Variants in ATP10A observed in about 807,000 individuals in gnomAD.
ATP10A encodes phospholipid-transporting ATPase VA.
Under a neutral mutation model 147.8 loss-of-function variants are expected in ATP10A, and 111 were observed. The observed-to-expected ratio is 0.75, with a 90% CI of 0.64 to 0.88. The LOEUF (loss-of-function observed/expected upper bound fraction) is 0.88. ATP10A is among the 40% of genes least tolerant of loss of function. The probability of loss-of-function intolerance (pLI) is 0.00; values close to 1 mark genes in which losing one functional copy is unlikely to be tolerated. For synonymous variants in ATP10A, 875 were observed against 841.6 expected (o/e 1.04, Z -0.69); for missense variants, 1,927 against 1,959.0 (o/e 0.98, Z 0.31).
Position 25,712,763 on chromosome 15 carries a change from C to G in ATP10A, c.2344+911G>C, listed in dbSNP as rs550812308. ...CATGGAAGGTCATCCAAACTCCTCT[C>G]AGAGACACATTTGCAGATTTAGCTC... On this transcript the variant is annotated intron_variant, in intron 10 of 20. Transcript: ENST00000555815. Among the ~76,000 whole-genome samples, 18 of 152,272 alleles carry G rather than the reference C, an allele frequency of 1.2e-4. No homozygotes were observed. In the East Asian group the frequency reaches 3.3e-3, roughly 28 times the overall value.
Position 25,700,946 on chromosome 15 carries a change from C to G in ATP10A, c.2760+970G>C, listed in dbSNP as rs139705153. ...AGGTCACTTAAAAAAAAAAAAGGCC[C>G]TGGTGAAGGCACAGGCTCTGAAGCA... On this transcript the variant is annotated intron_variant, in intron 13 of 20. Coordinates refer to ENST00000555815, the MANE Select transcript of ATP10A (RefSeq NM_024490.4). 4.7e-3 allele frequency among the ~76,000 whole-genome samples: 716 copies of G among 150,822 alleles called. 6 individuals carry two copies. Among genetic ancestry groups the G allele is most frequent in the African/African-American group, 0.016 (668 of 41,124 alleles).
chr15:25,759,198 C>T (rs1431631804), intron 2 of ATP10A, among the ~76,000 whole-genome samples: 1 of 152,038 alleles, frequency 6.6e-6, no homozygotes, highest in Admixed American at 6.6e-5. Flanking sequence ...ATTTTATATT[C>T]GAGTGCTATT....
intron 1 of ATP10A, among the ~76,000 whole-genome samples, chr15:25,860,257 C>T (rs571045045): frequency 2.0e-5 from 3 of 152,258 alleles, no homozygotes; most frequent in Non-Finnish European, 4.4e-5. Flanking sequence ...CTCTGCCCCA[C>T]CTTGCTTGGC....
Position 25,686,368 on chromosome 15 carries a change from C to T in ATP10A, c.3291+1335G>A, listed in dbSNP as rs1422511366. 2.0e-5 allele frequency among the ~76,000 whole-genome samples: 2 copies of T among 99,384 alleles called. 1 individual carries two copies. The highest frequency in any genetic ancestry group is 6.0e-4 in the East Asian group (2 of 3,326). 65.2% of individuals were successfully genotyped at this position (99,384 alleles called of 152,430 possible). A position where few individuals can be genotyped will look rare whatever the true frequency, so the allele number is the denominator to read the frequency against. ...GTGCGTGGTGACACGCACCTGTAGT[C>T]CCAGCTGCTTGGGAGGCTGAGGCTG... On this transcript the variant is annotated intron_variant, in intron 16 of 20. Coordinates refer to ENST00000555815, the MANE Select transcript of ATP10A (RefSeq NM_024490.4).
intron 1 of ATP10A, among the ~76,000 whole-genome samples, chr15:25,826,484 C>A (rs1892118094): frequency 6.6e-6 from 1 of 152,128 alleles, no homozygotes; most frequent in African/African-American, 2.4e-5. Flanking sequence ...ATGGCTTGCA[C>A]CCAAGAGGTG....
chr15:25,815,380 A>C (rs555499231), intron 1 of ATP10A, among the ~76,000 whole-genome samples: 2 of 152,278 alleles, frequency 1.3e-5, no homozygotes, highest in Admixed American at 1.3e-4. Flanking sequence ...ATATGTGCAC[A>C]GACTTCTCAC....
At chr15:25,785,331 C>T (rs1472686098) in intron 1 of ATP10A, among the ~76,000 whole-genome samples, 1 of 152,142 alleles carries the variant, frequency 6.6e-6, no homozygotes, top group Admixed American at 6.5e-5. Flanking sequence ...GGCGTGCGCA[C>T]ACAGCTGTAA....
At chr15:25,787,808 T>C (rs932362149) in intron 1 of ATP10A, among the ~76,000 whole-genome samples, 1 of 151,540 alleles carries the variant, frequency 6.6e-6, no homozygotes, top group Non-Finnish European at 1.5e-5. Context: ...CCAAACTGTG[T>C]TTTTTTTGCT....
At position 25,679,450 on chromosome 15, in the gene ATP10A, T is replaced by C; in HGVS notation, c.4391A>G (p.Asp1464Gly). The C allele has an allele frequency of 6.2e-7, 1 of 1,614,062 alleles. No individual in the cohort carries two copies. The highest frequency in any genetic ancestry group is 8.5e-7 in the Non-Finnish European group (1 of 1,179,984). ...AGGAAGTCCACGTCCCGCTTGTCCATCTGCAAGCTGCTCCGTCCGGGAGAA... is the reference window on the plus strand; with the variant it reads ...AGGAAGTCCACGTCCCGCTTGTCCACCTGCAAGCTGCTCCGTCCGGGAGAA... The part of the protein sequence containing the change: ...LQFSRTEQLA[D>G]GQAGRGLPVQ... Residue 1464 changes from aspartate (D) to glycine (G), a missense_variant, in exon 21 of 21, where the codon GAT (aspartate) becomes GGT (glycine). Physicochemically the swap from Asp to Gly is moderately conservative, Grantham distance 94. Transcript: ENST00000555815.
intron 7 of ATP10A, among the ~76,000 whole-genome samples, chr15:25,720,109 T>C (rs1156387741): frequency 6.6e-6 from 1 of 152,242 alleles, no homozygotes; most frequent in African/African-American, 2.4e-5. Flanking sequence ...TTCTGTAATC[T>C]TAGTTGGGAT....
rs77410940 is a variant in ATP10A, at chr15:25,694,911, C to T, written c.2996G>A (p.Arg999His). ...DKFLFLAKQCRSVLCCRSTPL... is the reference protein window; with the variant it reads ...DKFLFLAKQCHSVLCCRSTPL... Reference sequence around the variant, plus strand: ...CGTCGACCGACAGCAGAGGACGGAGCGGCACTGCTTGGCAAGGAAGAGGAA... The same window carrying T: ...CGTCGACCGACAGCAGAGGACGGAGTGGCACTGCTTGGCAAGGAAGAGGAA... The change falls in exon 14 of 21, where the codon CGC becomes CAC. Residue 999 changes from arginine (R) to histidine (H), a missense_variant. Coordinates refer to ENST00000555815, the MANE Select transcript of ATP10A (RefSeq NM_024490.4). The T allele has an allele frequency of 3.7e-3, 6,019 of 1,614,154 alleles. 25 individuals are homozygous for T. The highest frequency in any genetic ancestry group is 4.0e-3 in the Middle Eastern group (24 of 6,062).
chr15:25,812,730 C>T (rs923566267), intron 1 of ATP10A, among the ~76,000 whole-genome samples: 1 of 152,190 alleles, frequency 6.6e-6, no homozygotes, highest in Non-Finnish European at 1.5e-5. Flanking sequence ...TGATTATTCT[C>T]TCTTGGCTGT....
intron 2 of ATP10A, among the ~76,000 whole-genome samples, chr15:25,776,770 C>G (rs1046613287): frequency 4.6e-5 from 7 of 152,218 alleles, no homozygotes; most frequent in Non-Finnish European, 8.8e-5. Context: ...TGTAGCCCCT[C>G]AACACTGCGC....
At chr15:25,847,536 C>T (rs74004313) in intron 1 of ATP10A, among the ~76,000 whole-genome samples, 22,888 of 144,580 alleles carry the variant, frequency 0.16, 3,942 homozygotes, top group African/African-American at 0.43. Flanking sequence ...TTGCGGGTCA[C>T]GGGGTCTTCA....
chr15:25,815,458 A>C (rs916882607), intron 1 of ATP10A, among the ~76,000 whole-genome samples: 1 of 15,880 alleles, frequency 6.3e-5, no homozygotes, highest in Admixed American at 6.4e-4. Context: ...TAAAAATAGC[A>C]TCTATACAGT....
At chr15:25,850,643 C>A (rs888280832) in intron 1 of ATP10A, among the ~76,000 whole-genome samples, 3 of 147,790 alleles carry the variant, frequency 2.0e-5, no homozygotes, top group African/African-American at 5.0e-5. Context: ...CTCCCTCCCT[C>A]CCCCCCCAGC....
rs749545478 is a variant in ATP10A, at chr15:25,687,729, C to A, written c.3265G>T (p.Val1089Leu). ...HWCYSRLANMVLYFFYKNTMF... is the reference protein window; with the variant it reads ...HWCYSRLANMLLYFFYKNTMF... Reference sequence around the variant, plus strand: ...GTGTTTTTGTAGAAGAAGTACAGCACCATGTTGGCAAGTCGGGAGTAGCAC... The same window carrying A: ...GTGTTTTTGTAGAAGAAGTACAGCAACATGTTGGCAAGTCGGGAGTAGCAC... Residue 1089 changes from valine to leucine, a missense_variant, in exon 16 of 21, where the codon GTG (valine) becomes TTG (leucine). Physicochemically the swap from Val to Leu is conservative, Grantham distance 32. Coordinates refer to ENST00000555815, the MANE Select transcript of ATP10A (RefSeq NM_024490.4). 3.7e-6 allele frequency: 6 copies of A among 1,607,898 alleles called. No homozygotes were observed. Among genetic ancestry groups the A allele is most frequent in the Non-Finnish European group, 5.1e-6 (6 of 1,175,852 alleles).
intron 1 of ATP10A, among the ~76,000 whole-genome samples, chr15:25,821,684 A>G (rs115968645): frequency 6.6e-6 from 1 of 152,208 alleles, no homozygotes; most frequent in Non-Finnish European, 1.5e-5. Flanking sequence ...TAATGAAGTC[A>G]ATGGTCACAC....
intron 2 of ATP10A, among the ~76,000 whole-genome samples, chr15:25,777,964 T>C (rs1889702801): frequency 6.6e-6 from 1 of 152,028 alleles, no homozygotes; most frequent in Non-Finnish European, 1.5e-5. Context: ...TTTTTAAAGA[T>C]AACAGCTTTA....
Sources: gnomAD v4.1 joint callset for allele counts (sites outside exome capture counted in the v4.1 genomes callset) on GRCh38, gnomAD v4.1.1 for gene constraint, MANE v1.5 for transcripts, NCBI Gene and HGNC (gene_info 2026-07-23, HGNC 2026-07-21) for gene names.